The following KHDRBS2 variants were observed in gnomAD, a reference collection of about 807,000 sequenced individuals.
KHDRBS2 encodes the protein KH domain-containing, RNA-binding, signal transduction-associated protein 2.
KHDRBS2 carries 26 observed loss-of-function variants against 44.3 expected under a neutral mutation model. The ratio of observed to expected loss-of-function variants is 0.59; its 90% CI spans 0.43 to 0.81. KHDRBS2 has a LOEUF of 0.81. Among genes scored for constraint, KHDRBS2 ranks in the 40% least tolerant of loss-of-function variants. KHDRBS2 has a pLI of 0.00. For missense variants in KHDRBS2, 476 were observed against 433.1 expected, an observed-to-expected ratio of 1.10 and a Z score of -0.88; for synonymous variants, 194 against 151.1, an observed-to-expected ratio of 1.28 and a Z score of -2.08.
chr6:61,565,529 GA>G, the KHDRBS2 span, among the ~76,000 whole-genome samples: 1 of 152,082 alleles, frequency 6.6e-6, no homozygotes, highest in Non-Finnish European at 1.5e-5. Flanking sequence ...CTTTTCAAAA[GA>G]AGACATACAA....
intron 6 of KHDRBS2, among the ~76,000 whole-genome samples, chr6:61,874,454 G>A (rs1231691808): frequency 1.3e-5 from 2 of 152,010 alleles, no homozygotes; most frequent in Non-Finnish European, 2.9e-5. Context: ...TTCTAAATGT[G>A]TCTACTTTTT....
At chr6:61,646,778 G>A in the KHDRBS2 span, among the ~76,000 whole-genome samples, 1 of 151,918 alleles carries the variant, frequency 6.6e-6, no homozygotes, top group Admixed American at 6.6e-5. Flanking sequence ...CTTTTTATTA[G>A]CAAAGAACAA....
chr6:62,192,183 T>C (rs987183720), intron 1 of KHDRBS2, among the ~76,000 whole-genome samples: 2 of 152,032 alleles, frequency 1.3e-5, no homozygotes, highest in African/African-American at 4.8e-5. Context: ...AAAAAAGCAA[T>C]AAATCTGATT....
chr6:62,255,111 G>A (rs1254083700), intron 1 of KHDRBS2, among the ~76,000 whole-genome samples: 7 of 151,960 alleles, frequency 4.6e-5, no homozygotes. Context: ...TATTTAATAT[G>A]AGAAAAATAA....
At position 62,119,870 on chromosome 6, in the gene KHDRBS2, C is replaced by G. The variant is rs537777766; in HGVS notation, c.219+57315G>C. 2.1e-3 allele frequency among the ~76,000 whole-genome samples: 325 copies of G among 152,286 alleles called. 2 individuals are homozygous for G. The highest frequency in any genetic ancestry group is 7.3e-3 in the African/African-American group (303 of 41,554). On this transcript the variant is annotated intron_variant, in intron 2 of 8. Coordinates refer to ENST00000281156, the MANE Select transcript of KHDRBS2 (RefSeq NM_152688.4). ...CTCCTCAGGAACTACCCCCAACACCCCTGTTTGCTTCTAGACCTGTAACCA... is the reference window on the plus strand; with the variant it reads ...CTCCTCAGGAACTACCCCCAACACCGCTGTTTGCTTCTAGACCTGTAACCA...
At chr6:62,199,967 A>G (rs1826573259) in intron 1 of KHDRBS2, among the ~76,000 whole-genome samples, 1 of 152,202 alleles carries the variant, frequency 6.6e-6, no homozygotes, top group Non-Finnish European at 1.5e-5. Flanking sequence ...CAAGCCTGAC[A>G]AAAACAAGAA....
chr6:61,557,770 G>A, the KHDRBS2 span, among the ~76,000 whole-genome samples: 1 of 152,062 alleles, frequency 6.6e-6, no homozygotes, highest in African/African-American at 2.4e-5. Context: ...ATTGGGTCCT[G>A]GGCTTTCCTT....
At chr6:61,722,525 C>T (rs1055920440) in intron 7 of KHDRBS2, among the ~76,000 whole-genome samples, 5 of 152,064 alleles carry the variant, frequency 3.3e-5, no homozygotes, top group African/African-American at 1.2e-4. Context: ...CTTATGCTAA[C>T]TAATCAGTTA....
intron 1 of KHDRBS2, among the ~76,000 whole-genome samples, chr6:62,264,508 C>T (rs965427586): frequency 7.2e-5 from 11 of 151,736 alleles, no homozygotes; most frequent in Middle Eastern, 3.2e-3. Context: ...TTTGAATCTA[C>T]AAAAGAGCAT....
At chr6:61,784,012 ACT>A (rs1000751398) in intron 6 of KHDRBS2, among the ~76,000 whole-genome samples, 11 of 151,920 alleles carry the variant, frequency 7.2e-5, no homozygotes, top group Non-Finnish European at 1.2e-4. Context: ...CCTTAGAATG[ACT>A]CTGTCAAGTA....
intron 6 of KHDRBS2, among the ~76,000 whole-genome samples, chr6:61,869,527 G>C (rs1798284578): frequency 6.6e-6 from 1 of 152,180 alleles, no homozygotes; most frequent in Non-Finnish European, 1.5e-5. Flanking sequence ...AGGTTTGCAA[G>C]CAAGAAGACA....
At chr6:61,747,329 T>C (rs1777018256) in intron 6 of KHDRBS2, among the ~76,000 whole-genome samples, 1 of 152,178 alleles carries the variant, frequency 6.6e-6, no homozygotes, top group African/African-American at 2.4e-5. Flanking sequence ...CCTGCCAAAC[T>C]TCTTGGTGTT....
At chr6:61,962,870 G>T (rs1769060029) in intron 4 of KHDRBS2, among the ~76,000 whole-genome samples, 1 of 152,012 alleles carries the variant, frequency 6.6e-6, no homozygotes, top group Non-Finnish European at 1.5e-5. Flanking sequence ...TGGAAGCTCA[G>T]ATTTTCAGTT....
chr6:62,011,290 G>C lies in KHDRBS2; in HGVS notation c.337-33078C>G, dbSNP rs184304292. On this transcript the variant is annotated intron_variant, in intron 3 of 8. Transcript: ENST00000281156. Reference sequence around the variant, plus strand: ...TGTTGACAAAACCTGTCATGAAAAAGTCAAGTAAAAGTATTTACAAATGTA... The same window carrying C: ...TGTTGACAAAACCTGTCATGAAAAACTCAAGTAAAAGTATTTACAAATGTA... Among the ~76,000 whole-genome samples the C allele has an allele frequency of 2.8e-3, 420 of 152,122 alleles. 3 individuals are homozygous for C. The highest frequency in any genetic ancestry group is 9.3e-3 in the African/African-American group (384 of 41,508).
At chr6:62,270,098 T>C (rs1184324663) in intron 1 of KHDRBS2, among the ~76,000 whole-genome samples, 1 of 152,198 alleles carries the variant, frequency 6.6e-6, no homozygotes, top group African/African-American at 2.4e-5. Flanking sequence ...ATTTGTCCCC[T>C]CCAAAATCTT....
chr6:61,869,191 T>C (rs1252625895), intron 6 of KHDRBS2, among the ~76,000 whole-genome samples: 2 of 152,204 alleles, frequency 1.3e-5, no homozygotes, highest in African/African-American at 4.8e-5. Flanking sequence ...TGTGAGTATC[T>C]GGGCATTTCA....
chr6:62,056,663 T>C (rs1790352578), intron 2 of KHDRBS2, among the ~76,000 whole-genome samples: 3 of 152,018 alleles, frequency 2.0e-5, no homozygotes, highest in Admixed American at 2.0e-4. Context: ...GAGTTAAATG[T>C]CACTGAACTT....
chr6:62,243,904 T>C (rs1267398145), intron 1 of KHDRBS2, among the ~76,000 whole-genome samples: 3 of 152,118 alleles, frequency 2.0e-5, no homozygotes, highest in Non-Finnish European at 4.4e-5. Flanking sequence ...TAAGGAAGTA[T>C]CCTATACACA....
At chr6:61,664,209 C>A in the KHDRBS2 span, among the ~76,000 whole-genome samples, 1 of 151,666 alleles carries the variant, frequency 6.6e-6, no homozygotes, top group Non-Finnish European at 1.5e-5. Context: ...ATTCAACACC[C>A]TTCCTTGGGT....
Sources: allele counts gnomAD v4.1 joint callset (sites outside exome capture counted in the v4.1 genomes callset), GRCh38; gene constraint gnomAD v4.1.1; transcripts MANE v1.5; gene names NCBI Gene and HGNC (gene_info 2026-07-23, HGNC 2026-07-21).